SRRT: variants seen among roughly 807,000 people sequenced by gnomAD.
SRRT encodes the protein serrate RNA effector molecule homolog.
In SRRT, 32 loss-of-function variants were observed where a neutral mutation model predicts 103.2. The observed-to-expected ratio is 0.31, with a 90% CI of 0.23 to 0.42. The LOEUF (loss-of-function observed/expected upper bound fraction) is 0.42. Among genes scored for constraint, SRRT ranks in the 10% least tolerant of loss-of-function variants. The probability of loss-of-function intolerance (pLI) is 1.00; values close to 1 mark genes in which losing one functional copy is unlikely to be tolerated. For missense variants in SRRT, 986 were observed against 1,207.5 expected (o/e 0.82, Z 2.72); for synonymous variants, 525 against 449.0 (o/e 1.17, Z -2.14).
At position 100,886,388 on chromosome 7, in the gene SRRT, A is replaced by G; in HGVS notation, c.1600A>G (p.Arg534Gly). 3 of 1,613,762 alleles carry G rather than the reference A, an allele frequency of 1.9e-6. No individual in the cohort carries two copies. Among genetic ancestry groups the G allele is most frequent in the Non-Finnish European group, 1.7e-6 (2 of 1,180,016 alleles). The change falls in exon 13 of 20, where the codon AGG becomes GGG. Residue 534 changes from arginine (R) to glycine (G), a missense_variant. Physicochemically the swap from Arg to Gly is moderately radical, Grantham distance 125. This residue lies in a region of SRRT where 349 missense variants were observed against 446.9 expected (regional missense o/e 0.78). Transcript: ENST00000611405. ...AAKLIHTLDD[R>G]TQLWASEPGT... is the part of the protein sequence containing the mutation. ...CAAGCTGATCCACACGCTGGATGACAGGACACAGCTTTGGGCCTCAGAACC... is the reference window on the plus strand; with the variant it reads ...CAAGCTGATCCACACGCTGGATGACGGGACACAGCTTTGGGCCTCAGAACC...
At chr7:100,883,538 G>A (rs992344140) in intron 5 of SRRT, among the ~76,000 whole-genome samples, 7 of 152,112 alleles carry the variant, frequency 4.6e-5, no homozygotes, top group African/African-American at 9.7e-5. Flanking sequence ...TCCCTTCACC[G>A]TCTTGCTTAT....
rs1203674399 is a variant in SRRT at position 100,884,209 on chromosome 7, G to A, written c.727G>A (p.Ala243Thr). The change falls in exon 6 of 20, where the codon GCT becomes ACT. Residue 243 changes from alanine to threonine, a missense_variant. By Grantham distance (58) the Ala-to-Thr change is moderately conservative (BLOSUM62 0). This residue lies in a region of SRRT where 274 missense variants were observed against 358.5 expected (regional missense o/e 0.76). Transcript: ENST00000611405. ...TAACCTTCTCCTGGACATAGACAAA[G>A]CTGATGCCATTGTCAAGATGCTGGA... ...FDNLLLDIDK[A>T]DAIVKMLDAA... The A allele has an allele frequency of 6.2e-7, 1 of 1,614,146 alleles. No individual in the cohort carries two copies. Among genetic ancestry groups the A allele is most frequent in the Non-Finnish European group, 8.5e-7 (1 of 1,180,028 alleles).
At chr7:100,875,762 C>T (rs1180627566) in intron 2 of SRRT, 50 bp downstream of exon 2, 1 of 1,605,080 alleles carries the variant, frequency 6.2e-7, no homozygotes, top group Admixed American at 1.7e-5. Context: ...CGTTTCACTC[C>T]ACCCGCGTCG....
chr7:100,886,712 G>A (rs897736700), intron 13 of SRRT, 83 bp from the exon 14 acceptor site: 3 of 1,480,942 alleles, frequency 2.0e-6, no homozygotes, highest in Non-Finnish European at 1.9e-6. Flanking sequence ...CTGTCCCCTC[G>A]CTGCTCTTTC....
chr7:100,883,954 C>T (rs1225317399), intron 5 of SRRT, 116 bp from the exon 6 acceptor site: 6 of 1,179,860 alleles, frequency 5.1e-6, no homozygotes, highest in South Asian at 1.6e-5. Flanking sequence ...TTTTGATGAC[C>T]TTTTGTGGTT....
chr7:100,885,663 C>G lies in SRRT; in HGVS notation c.1318-38C>G, dbSNP rs184228668. 75 of 1,579,210 alleles carry G rather than the reference C, an allele frequency of 4.7e-5. 1 individual carries two copies. The Admixed American group carries it at 1.0e-3, about 22-fold the overall frequency. On this transcript the variant is annotated intron_variant, in intron 10 of 19. Transcript: ENST00000611405. The surrounding 1 kb of genome is among the most constrained non-coding windows in gnomAD (Gnocchi z 4.8). The stretch of plus-strand genomic sequence containing the variant: ...GATTGGAGGAAGAAGCGAATGAATC[C>G]TTGAGTCACTGTGGGGCTGCTTTTC...
Position 100,885,315 on chromosome 7 carries a change from G to C in SRRT, c.1262G>C (p.Cys421Ser), listed in dbSNP as rs1381593313. Reference sequence around the variant, plus strand: ...AAGCCGCGGCCGCTGCATAAGACCTGCTCCCTCTTCATGCGCAACATCGCG... The same window carrying C: ...AAGCCGCGGCCGCTGCATAAGACCTCCTCCCTCTTCATGCGCAACATCGCG... ...ECKPRPLHKTCSLFMRNIAPN... is the reference protein window; with the variant it reads ...ECKPRPLHKTSSLFMRNIAPN... The change falls in exon 10 of 20, where the codon TGC becomes TCC. Residue 421 changes from cysteine to serine, a missense_variant. Physicochemically the swap from Cys to Ser is moderately radical, Grantham distance 112 (BLOSUM62 -1). This residue lies in a region of SRRT where 349 missense variants were observed against 446.9 expected (regional missense o/e 0.78). Transcript: ENST00000611405. This position sits in a 1 kb window ranked among gnomAD's most constrained non-coding sequence, Gnocchi z 4.8. 2.5e-6 allele frequency: 4 copies of C among 1,614,046 alleles called. No individual in the cohort carries two copies. In the African/African-American group the frequency reaches 4.0e-5, roughly 16 times the overall value.
chr7:100,875,994 T>G, intron 2 of SRRT: 1 of 365,416 alleles, frequency 2.7e-6, no homozygotes, highest in Non-Finnish European at 5.3e-6. Flanking sequence ...TTTTTTTGTT[T>G]TGTTATTGAG....
chr7:100,882,472 CCAGGCAG>C lies in SRRT; in HGVS notation c.587+237_587+243del, dbSNP rs1789674705. ...GCTGTCCTCAGAGAGTGGGACACCT[CCAGGCAG>C]CAGGCCAGAGCCACTTGGCCCCTTG... On this transcript the variant is annotated intron_variant, in intron 5 of 19. Transcript: ENST00000611405. The surrounding 1 kb of genome is among the most constrained non-coding windows in gnomAD (Gnocchi z 4.2). 2.1e-6 allele frequency: 1 copy of C among 481,314 alleles called. No individual in the cohort carries two copies. Among genetic ancestry groups the C allele is most frequent in the Non-Finnish European group, 3.7e-6 (1 of 269,598 alleles). 29.8% of individuals were successfully genotyped at this position (481,314 alleles called of 1,614,324 possible).
rs550647412 is a variant in SRRT at position 100,887,926 on chromosome 7, T to C, written c.2326+67T>C. On this transcript the variant is annotated intron_variant, in intron 17 of 19. Transcript: ENST00000611405. This position sits in a 1 kb window ranked among gnomAD's most constrained non-coding sequence, Gnocchi z 4.1. ...GACTACCCAGGGACTCCTGTTTCTC[T>C]TTAACGTGTCACCCCGAGAAGTTTC... The C allele has an allele frequency of 1.6e-4, 252 of 1,556,862 alleles. 3 individuals carry two copies. The South Asian group carries it at 2.8e-3, about 17-fold the overall frequency.
intron 2 of SRRT, among the ~76,000 whole-genome samples, chr7:100,876,454 A>G (rs764846500): frequency 3.3e-5 from 5 of 152,170 alleles, no homozygotes. Context: ...TTGGTCTAAA[A>G]TTATTTTTTG....
intron 3 of SRRT, 25 bp downstream of exon 3, chr7:100,881,438 C>G: frequency 6.2e-7 from 1 of 1,604,744 alleles, no homozygotes; most frequent in Non-Finnish European, 8.5e-7. Flanking sequence ...TTTCCCTCTC[C>G]TCCCCTTTGC....
chr7:100,884,318 G>C (rs775860815), intron 6 of SRRT, 50 bp from the exon 7 acceptor site: 17 of 1,611,624 alleles, frequency 1.1e-5, no homozygotes, highest in African/African-American at 1.3e-5. Context: ...GAAGCCGGTT[G>C]ACAGGAGCCA....
chr7:100,879,642 T>C (rs1816091256), intron 2 of SRRT, among the ~76,000 whole-genome samples: 2 of 152,152 alleles, frequency 1.3e-5, no homozygotes, highest in Admixed American at 6.6e-5. Flanking sequence ...TAAGTATCGA[T>C]AGATGTAACC....
chr7:100,884,190 TCTC>T lies in SRRT; in HGVS notation c.711_713del (p.Leu238del), dbSNP rs1443628167. The T allele has an allele frequency of 2.5e-6, 4 of 1,614,144 alleles. No individual in the cohort carries two copies. The highest frequency in any genetic ancestry group is 1.3e-5 in the African/African-American group (1 of 75,030). On this transcript the variant is annotated inframe_deletion, in exon 6 of 20. Coordinates refer to ENST00000611405, the MANE Select transcript of SRRT (RefSeq NM_015908.6). ...TGGAGACTGGCTGGTTTGATAACCT[TCTC>T]CTGGACATAGACAAAGCTGATGCCA... is the stretch of plus-strand genomic sequence containing the variant.
chr7:100,885,382 C>A lies in SRRT; in HGVS notation c.1317+12C>A. The A allele has an allele frequency of 6.2e-7, 1 of 1,610,606 alleles. No homozygotes were observed. Among genetic ancestry groups the A allele is most frequent in the Non-Finnish European group, 8.5e-7 (1 of 1,177,520 alleles). On this transcript the variant is annotated intron_variant, in intron 10 of 19. Coordinates refer to ENST00000611405, the MANE Select transcript of SRRT (RefSeq NM_015908.6). This position sits in a 1 kb window ranked among gnomAD's most constrained non-coding sequence, Gnocchi z 4.8. ...CCGAGATCATCTCCGTGAGTGGGGA[C>A]CCGTGGAGTCAGGGCAGGGCTGATG...
chr7:100,877,134 A>G (rs964503204), intron 2 of SRRT, among the ~76,000 whole-genome samples: 5 of 151,956 alleles, frequency 3.3e-5, no homozygotes, highest in South Asian at 4.2e-4. Context: ...GTTAAAAAAA[A>G]AAAGCCAGCC....
chr7:100,888,395 A>AG lies in SRRT; in HGVS notation c.2555+13dup. ...AAACCTCGCAACAGGTGAGGAGGGC[A>AG]GACGCCCAAGCTTTGTTGCCGCCTG... is the stretch of plus-strand genomic sequence containing the variant. On this transcript the variant is annotated intron_variant, in intron 19 of 19. Transcript: ENST00000611405. The AG allele has an allele frequency of 6.2e-7, 1 of 1,613,524 alleles. No homozygotes were observed. Among genetic ancestry groups the AG allele is most frequent in the Non-Finnish European group, 8.5e-7 (1 of 1,179,588 alleles).
Position 100,875,348 on chromosome 7 carries a change from TG to T in SRRT, c.-19+26del, listed in dbSNP as rs548859342. 3.4e-4 allele frequency: 427 copies of T among 1,264,504 alleles called. 3 individuals are homozygous for T. In the African/African-American group the frequency reaches 6.3e-3, roughly 19 times the overall value. The allele number at this position is 1,264,504 out of a possible 1,614,324, so 78.3% of individuals were successfully genotyped here. On this transcript the variant is annotated intron_variant, in intron 1 of 19. Coordinates refer to ENST00000611405, the MANE Select transcript of SRRT (RefSeq NM_015908.6). ...ACCAAGGTGGGGGAGGGGAGGAGCC[TG>T]GGGGGCCCCGCTGGGGCGGGAGAGG... is the stretch of plus-strand genomic sequence containing the variant.
Sources: gnomAD v4.1 joint callset for allele counts (sites outside exome capture counted in the v4.1 genomes callset) on GRCh38, gnomAD v4.1.1 for gene constraint, gnomAD v4.1.1 regional missense constraint, Gnocchi (gnomAD v3.1) non-coding constraint, MANE v1.5 for transcripts, NCBI Gene and HGNC (gene_info 2026-07-23, HGNC 2026-07-21) for gene names.